The following NCOR2 variants were observed in gnomAD, a reference collection of about 807,000 sequenced individuals.
The protein encoded by NCOR2 is nuclear receptor corepressor 2, also known as CTG repeat protein 26.
NCOR2 carries 81 observed loss-of-function variants against 262.9 expected under a neutral mutation model. That is an observed-to-expected ratio of 0.31 (90% CI 0.26 to 0.37). The LOEUF (loss-of-function observed/expected upper bound fraction) is 0.37. NCOR2 is among the 10% of genes least tolerant of loss of function. The pLI is 1.00. For synonymous variants in NCOR2, 1,659 were observed against 1,559.3 expected (o/e 1.06, Z -1.51); for missense variants, 3,385 against 3,621.4 (o/e 0.93, Z 1.68).
At chr12:124,456,719 G>A (rs988547055) in intron 6 of NCOR2, among the ~76,000 whole-genome samples, 1 of 152,202 alleles carries the variant, frequency 6.6e-6, no homozygotes, top group Non-Finnish European at 1.5e-5. Context: ...GCCATGAAGC[G>A]GTGCACCTGG....
chr12:124,496,179 C>T (rs1442082750), upstream of NCOR2, among the ~76,000 whole-genome samples: 1 of 151,912 alleles, frequency 6.6e-6, no homozygotes, highest in East Asian at 1.9e-4. This position sits in a 1 kb window ranked among gnomAD's most constrained non-coding sequence, Gnocchi z 4.4. Context: ...AGCAAGGGAG[C>T]CACGGGGACC....
At chr12:124,515,744 G>A (rs990736886) in intron 1 of NCOR2, among the ~76,000 whole-genome samples, 2 of 118,136 alleles carry the variant, frequency 1.7e-5, no homozygotes, top group African/African-American at 3.0e-5. Flanking sequence ...AAGTGTGCGT[G>A]TGAGTATACA....
At chr12:124,417,149 C>T (rs78290840) in intron 13 of NCOR2, among the ~76,000 whole-genome samples, 2,701 of 67,600 alleles carry the variant, frequency 0.04, no homozygotes, top group Non-Finnish European at 0.072. Flanking sequence ...ACTCACTCCA[C>T]GGAGAGCAGG....
At chr12:124,433,058 A>G (rs991023706) in intron 8 of NCOR2, among the ~76,000 whole-genome samples, 4 of 152,076 alleles carry the variant, frequency 2.6e-5, no homozygotes, top group Admixed American at 2.6e-4. Context: ...ACCCCACCCC[A>G]TATTTCAGCT....
intron 1 of NCOR2, among the ~76,000 whole-genome samples, chr12:124,507,017 C>T (rs555087485): frequency 6.6e-6 from 1 of 152,138 alleles, no homozygotes; most frequent in African/African-American, 2.4e-5. Flanking sequence ...CGTTTTGCTT[C>T]ATGGCTAAGA....
chr12:124,544,877 A>G (rs967387401), intron 1 of NCOR2, among the ~76,000 whole-genome samples: 1 of 151,778 alleles, frequency 6.6e-6, no homozygotes, highest in South Asian at 2.1e-4. Flanking sequence ...AACTTCGCAG[A>G]GGCAGTTTCC....
chr12:124,355,536 G>C, exon 24 of NCOR2: 1 of 1,594,224 alleles, frequency 6.3e-7, no homozygotes, highest in Non-Finnish European at 8.5e-7. Context: ...AGGACGGGCC[G>C]GGCAGTGTCA....
chr12:124,488,409 G>A, intron 1 of NCOR2, among the ~76,000 whole-genome samples: 1 of 152,196 alleles, frequency 6.6e-6, no homozygotes, highest in Non-Finnish European at 1.5e-5. Context: ...CTAACCCTCT[G>A]AGCCTCAGTT....
At chr12:124,347,887 G>A (rs961135055) in exon 30 of NCOR2, 61 of 1,565,300 alleles carry the variant, frequency 3.9e-5, no homozygotes, top group Non-Finnish European at 5.2e-5. Flanking sequence ...GTGTCGCTCC[G>A]GCGGGATGGC....
intron 10 of NCOR2, among the ~76,000 whole-genome samples, chr12:124,428,087 G>GTGTGTGTGTGTGTGTGTA (rs1382558223): frequency 2.8e-5 from 4 of 145,278 alleles, no homozygotes; most frequent in South Asian, 2.1e-4. Flanking sequence ...GTGTGTGTGT[G>GTGTGTGTGTGTGTGTGTA]TACATGCAAC....
intron 22 of NCOR2, among the ~76,000 whole-genome samples, chr12:124,358,342 T>C (rs988145589): frequency 1.3e-5 from 2 of 151,200 alleles, no homozygotes; most frequent in South Asian, 2.1e-4. Flanking sequence ...TGTGTGTGCC[T>C]GTACACAATG....
chr12:124,477,679 C>G (rs972485229), intron 3 of NCOR2, among the ~76,000 whole-genome samples: 40 of 152,246 alleles, frequency 2.6e-4, no homozygotes, highest in African/African-American at 9.6e-4. Context: ...GAGCGCTTCC[C>G]CTGGTGCTGG....
At chr12:124,431,966 A>G (rs1392224872) in intron 8 of NCOR2, among the ~76,000 whole-genome samples, 3 of 151,986 alleles carry the variant, frequency 2.0e-5, no homozygotes, top group African/African-American at 7.3e-5. Context: ...ACACACAGTC[A>G]GTCACACAGG....
Position 124,495,017 on chromosome 12 carries a change from T to A in NCOR2, c.105+130A>T. The A allele has an allele frequency of 8.7e-7, 1 of 1,154,148 alleles. No individual in the cohort carries two copies. Among genetic ancestry groups the A allele is most frequent in the Non-Finnish European group, 1.2e-6 (1 of 834,152 alleles). 71.5% of individuals were successfully genotyped at this position (1,154,148 alleles called of 1,614,324 possible). On this transcript the variant is annotated intron_variant, in intron 1 of 46. Coordinates refer to ENST00000405201, the Ensembl canonical transcript of NCOR2. The surrounding 1 kb of genome is among the most constrained non-coding windows in gnomAD (Gnocchi z 4.4). ...GACACCAGGGGTCTCTGTGGCGGCCTCCCCTCTGCCCTGGGAGGCTCAGAG... is the reference window on the plus strand; with the variant it reads ...GACACCAGGGGTCTCTGTGGCGGCCACCCCTCTGCCCTGGGAGGCTCAGAG...
rs569809719 is a variant in NCOR2 at position 124,410,796 on chromosome 12, C to T, written c.1483-8235G>A. Among the ~76,000 whole-genome samples the T allele has an allele frequency of 4.4e-3, 676 of 152,318 alleles. 5 individuals are homozygous for T. The highest frequency in any genetic ancestry group is 7.5e-3 in the Non-Finnish European group (513 of 68,026). On this transcript the variant is annotated intron_variant, in intron 13 of 46. Coordinates refer to ENST00000405201, the Ensembl canonical transcript of NCOR2. ...TCCCCAGGGACCAAGCCTGGCTGCT[C>T]CTGCCCTGGAACAGCCTTCCCGGTC...
exon 32 of NCOR2, chr12:124,344,795 C>T (rs1399690696): frequency 6.4e-7 from 1 of 1,552,674 alleles, no homozygotes; most frequent in Non-Finnish European, 8.7e-7. Flanking sequence ...TTCAGGCTCT[C>T]CTCGTAGCAG....
chr12:124,426,774 C>A, exon 11 of NCOR2: 1 of 1,586,366 alleles, frequency 6.3e-7, no homozygotes, highest in South Asian at 1.1e-5. Context: ...GGATCACGGC[C>A]AGCTGGCGCA....
At chr12:124,551,543 G>A (rs558887535) in intron 1 of NCOR2, among the ~76,000 whole-genome samples, 7 of 152,278 alleles carry the variant, frequency 4.6e-5, no homozygotes, top group East Asian at 1.9e-4. Context: ...TTACAGCCCC[G>A]AGTCTGGTGT....
chr12:124,335,498 G>T, exon 39 of NCOR2: 1 of 1,606,602 alleles, frequency 6.2e-7, no homozygotes. Flanking sequence ...TGCTTGGGCC[G>T]CAGCTCCCCC....
Sources: gnomAD v4.1 joint callset for allele counts (sites outside exome capture counted in the v4.1 genomes callset) on GRCh38, gnomAD v4.1.1 for gene constraint, Gnocchi (gnomAD v3.1) non-coding constraint, MANE v1.5 for transcripts, NCBI Gene and HGNC (gene_info 2026-07-23, HGNC 2026-07-21) for gene names.